The following ARHGAP10 variants were observed in gnomAD, a reference collection of about 807,000 sequenced individuals.
ARHGAP10 encodes the protein rho GTPase-activating protein 10.
ARHGAP10 carries 87 observed loss-of-function variants against 108.6 expected under a neutral mutation model. That is an observed-to-expected ratio of 0.80 (90% CI 0.67 to 0.96). ARHGAP10 has a LOEUF of 0.96. ARHGAP10 is among the 40% of genes least tolerant of loss of function. The pLI is 0.00. For synonymous variants in ARHGAP10, 347 were observed against 341.1 expected, an observed-to-expected ratio of 1.02 and a Z score of -0.19; for missense variants, 939 against 954.5, an observed-to-expected ratio of 0.98 and a Z score of 0.21.
chr4:147,962,387 C>T (rs529190288), intron 16 of ARHGAP10, among the ~76,000 whole-genome samples: 2 of 152,300 alleles, frequency 1.3e-5, no homozygotes, highest in East Asian at 3.9e-4. Flanking sequence ...GCCACAGAGG[C>T]TAAGTGCTTT....
intron 1 of ARHGAP10, among the ~76,000 whole-genome samples, chr4:147,793,304 A>C (rs1731192906): frequency 8.1e-6 from 1 of 122,794 alleles, no homozygotes; most frequent in East Asian, 2.6e-4. Context: ...TATAACACAC[A>C]CATATATATA....
At position 147,912,548 on chromosome 4, in the gene ARHGAP10, AATAT is replaced by A. The variant is rs59663731; in HGVS notation, c.1163-478_1163-475del. On this transcript the variant is annotated intron_variant, in intron 12 of 22. Coordinates refer to ENST00000336498, the MANE Select transcript of ARHGAP10 (RefSeq NM_024605.4). The stretch of plus-strand genomic sequence containing the variant: ...AAAACAAAAAACAAACAAACAAACA[AATAT>A]ATATATATATATATATATATATATA... Among the ~76,000 whole-genome samples the A allele has an allele frequency of 2.6e-3, 317 of 119,834 alleles. 2 individuals are homozygous for A. The highest frequency in any genetic ancestry group is 8.4e-3 in the African/African-American group (219 of 26,106). The allele number at this position is 119,834 out of a possible 152,430, so 78.6% of individuals were successfully genotyped here.
chr4:148,058,020 G>A (rs1395961392), intron 20 of ARHGAP10, among the ~76,000 whole-genome samples: 4 of 152,206 alleles, frequency 2.6e-5, no homozygotes, highest in African/African-American at 7.2e-5. Context: ...CGGTGTGCTC[G>A]TGGGGAGCCA....
intron 18 of ARHGAP10, among the ~76,000 whole-genome samples, chr4:147,970,823 C>G (rs980371355): frequency 1.3e-5 from 2 of 152,214 alleles, no homozygotes; most frequent in Non-Finnish European, 2.9e-5. Context: ...CATGGTGGCT[C>G]ATGCCTGTAA....
chr4:147,938,948 C>T (rs927527534), intron 13 of ARHGAP10, among the ~76,000 whole-genome samples: 1 of 152,164 alleles, frequency 6.6e-6, no homozygotes, highest in Non-Finnish European at 1.5e-5. Flanking sequence ...ATATTCTCAT[C>T]CAGATTCAAT....
At chr4:148,069,346 T>C (rs1730050575) in intron 22 of ARHGAP10, among the ~76,000 whole-genome samples, 1 of 152,082 alleles carries the variant, frequency 6.6e-6, no homozygotes, top group Admixed American at 6.5e-5. Context: ...GTCGCCTCTG[T>C]AAAGCAGTGA....
intron 8 of ARHGAP10, 35 bp from the exon 9 acceptor site, chr4:147,879,197 G>A: frequency 6.4e-7 from 1 of 1,570,822 alleles, no homozygotes; most frequent in African/African-American, 1.4e-5. Context: ...GCTTATTTAT[G>A]AGGGAAAATA....
chr4:147,768,892 C>G (rs771646720), intron 1 of ARHGAP10, among the ~76,000 whole-genome samples: 1 of 152,012 alleles, frequency 6.6e-6, no homozygotes, highest in Non-Finnish European at 1.5e-5. Flanking sequence ...GCACACACTA[C>G]TATACCTGGC....
intron 18 of ARHGAP10, among the ~76,000 whole-genome samples, chr4:148,000,758 G>A (rs573956829): frequency 5.9e-5 from 9 of 152,192 alleles, no homozygotes; most frequent in African/African-American, 1.2e-4. Context: ...TCCTTCGCCC[G>A]CTTTGTGATG....
intron 1 of ARHGAP10, among the ~76,000 whole-genome samples, chr4:147,733,961 C>G (rs1269502642): frequency 1.3e-5 from 2 of 151,544 alleles, no homozygotes; most frequent in African/African-American, 4.9e-5. Flanking sequence ...TGGTTGAGGG[C>G]TCTCCAGGCC....
chr4:148,064,607 GC>G (rs1729780443), intron 22 of ARHGAP10, 100 bp downstream of exon 22: 1 of 1,035,390 alleles, frequency 9.7e-7, no homozygotes, highest in African/African-American at 1.7e-5. Context: ...TGTCGGGAGG[GC>G]GAGTCTCCCC....
chr4:148,048,699 C>T (rs1313661142), intron 20 of ARHGAP10, among the ~76,000 whole-genome samples: 1 of 152,156 alleles, frequency 6.6e-6, no homozygotes, highest in Non-Finnish European at 1.5e-5. Flanking sequence ...CAGTGGAGTG[C>T]AGTTTAAGCA....
At chr4:147,955,585 C>T (rs1333333346) in intron 16 of ARHGAP10, among the ~76,000 whole-genome samples, 1 of 151,996 alleles carries the variant, frequency 6.6e-6, no homozygotes, top group Non-Finnish European at 1.5e-5. Context: ...TTAATTATTT[C>T]CTATTATGTT....
chr4:147,965,148 GTTTTAAC>G lies in ARHGAP10; in HGVS notation c.1556+23_1556+29del, dbSNP rs772879877. On this transcript the variant is annotated intron_variant, in intron 17 of 22. Coordinates refer to ENST00000336498, the MANE Select transcript of ARHGAP10 (RefSeq NM_024605.4). ...TAACAAAGTAAGCCTCTTTTTCTTC[GTTTTAAC>G]TTTCTTCACTTTGCTCTAGGTGCTG... 7.0e-6 allele frequency: 11 copies of G among 1,576,816 alleles called. No homozygotes were observed. Among genetic ancestry groups the G allele is most frequent in the Non-Finnish European group, 9.5e-6 (11 of 1,155,790 alleles).
chr4:148,020,971 A>G (rs1741546292), intron 18 of ARHGAP10, among the ~76,000 whole-genome samples: 1 of 152,244 alleles, frequency 6.6e-6, no homozygotes, highest in Non-Finnish European at 1.5e-5. Context: ...AAATAGCTGT[A>G]GAATACCTAT....
chr4:148,055,639 G>A (rs1256827974), intron 20 of ARHGAP10, among the ~76,000 whole-genome samples: 3 of 152,216 alleles, frequency 2.0e-5, no homozygotes, highest in Non-Finnish European at 1.5e-5. Context: ...AATGAGCCAA[G>A]ATTGCGCCAC....
intron 18 of ARHGAP10, among the ~76,000 whole-genome samples, chr4:147,979,130 C>T (rs144270317): frequency 1.8e-4 from 27 of 152,106 alleles, no homozygotes; most frequent in Non-Finnish European, 3.4e-4. Flanking sequence ...TTTGCCTAGG[C>T]GACTATCTGG....
chr4:148,005,981 C>T (rs1261965129), intron 18 of ARHGAP10, among the ~76,000 whole-genome samples: 1 of 152,198 alleles, frequency 6.6e-6, no homozygotes, highest in Non-Finnish European at 1.5e-5. Context: ...ATTTCTTTCA[C>T]ACTCCTTCCG....
chr4:147,905,817 C>G (rs1239503420), intron 10 of ARHGAP10, among the ~76,000 whole-genome samples: 4 of 151,576 alleles, frequency 2.6e-5, no homozygotes, highest in Non-Finnish European at 5.9e-5. Flanking sequence ...TATAAATTAC[C>G]TTGGGCAGTA....
Sources: gnomAD v4.1 joint callset for allele counts (sites outside exome capture counted in the v4.1 genomes callset) on GRCh38, gnomAD v4.1.1 for gene constraint, MANE v1.5 for transcripts, NCBI Gene and HGNC (gene_info 2026-07-23, HGNC 2026-07-21) for gene names.